Variants in PGAP6 observed in about 807,000 individuals in gnomAD.
The protein encoded by PGAP6 is post-GPI attachment to proteins factor 6.
In PGAP6, 62 loss-of-function variants were observed where a neutral mutation model predicts 68.4. That is an observed-to-expected ratio of 0.91 (90% CI 0.74 to 1.12). The LOEUF (loss-of-function observed/expected upper bound fraction) is 1.12. PGAP6 is among the 50% of genes most tolerant of loss of function. The pLI, the probability that PGAP6 is intolerant of heterozygous loss-of-function variation, is 0.00. For missense variants in PGAP6, 1,188 were observed against 1,068.5 expected, an observed-to-expected ratio of 1.11 and a Z score of -1.56; for synonymous variants, 575 against 474.0, an observed-to-expected ratio of 1.21 and a Z score of -2.77.
chr16:377,426 C>T lies in PGAP6; in HGVS notation c.459G>A (p.Trp153Ter), dbSNP rs1007464523. Residue 153 changes from tryptophan to a stop codon, truncating the protein, a stop_gained, in exon 3 of 13, where the codon TGG becomes TGA. Coordinates refer to ENST00000431232, the MANE Select transcript of PGAP6 (RefSeq NM_021259.3). LOFTEE classifies it high-confidence loss of function. Reference protein sequence around the residue: ...VNVSHPAPGDWFVAAHLPPSS... With the variant: ...VNVSHPAPGD ...AGGGGGGCAGGTGGGCGGCCACGAA[C>T]CAGTCCCCGGGGGCCGGGTGGGAAA... 16 of 1,609,822 alleles carry T rather than the reference C, an allele frequency of 9.9e-6. No individual in the cohort carries two copies. The highest frequency in any genetic ancestry group is 1.4e-5 in the Non-Finnish European group (16 of 1,178,412).
intron 1 of PGAP6, among the ~76,000 whole-genome samples, chr16:381,110 G>T (rs1163367000): frequency 6.6e-6 from 1 of 152,242 alleles, no homozygotes; most frequent in Non-Finnish European, 1.5e-5. Context: ...GGAGCCCGGC[G>T]AGTTTCCCAA....
In PGAP6 at chr16:375,455, C is replaced by G; in HGVS notation, c.1225-20G>C. ...CTCTGTCTGGAAAGGGAGGCGGTGC[C>G]GGCTCAGCTCCAGCAGCCCCTGGCC... is the stretch of plus-strand genomic sequence containing the variant. On this transcript the variant is annotated intron_variant, in intron 6 of 12. Transcript: ENST00000431232. 3 of 1,608,662 alleles carry G rather than the reference C, an allele frequency of 1.9e-6. No homozygotes were observed. Among genetic ancestry groups the G allele is most frequent in the South Asian group, 2.2e-5 (2 of 90,974 alleles).
Position 381,972 on chromosome 16 carries a change from G to T in PGAP6, c.-151C>A. On this transcript the variant is annotated 5_prime_UTR_variant, in exon 1 of 13. Coordinates refer to ENST00000431232, the MANE Select transcript of PGAP6 (RefSeq NM_021259.3). ...GGCCGGTCCCCGCCGCCGTCGCCCC[G>T]GGCACTTCCGCCCGCAGGCCCCGCC... is the stretch of plus-strand genomic sequence containing the variant. 1.0e-6 allele frequency: 1 copy of T among 966,218 alleles called. No homozygotes were observed. The highest frequency in any genetic ancestry group is 1.2e-6 in the Non-Finnish European group (1 of 813,264). The allele number at this position is 966,218 out of a possible 1,614,324, so 59.9% of individuals were successfully genotyped here.
intron 1 of PGAP6, 24 bp from the exon 2 acceptor site, chr16:377,872 C>T (rs1218235840): frequency 6.5e-7 from 1 of 1,537,072 alleles, no homozygotes. Context: ...GAGGTGTCAG[C>T]CAGGCCGGGA....
intron 1 of PGAP6, among the ~76,000 whole-genome samples, chr16:380,708 C>T (rs745851956): frequency 2.0e-5 from 3 of 150,720 alleles, no homozygotes; most frequent in East Asian, 2.0e-4. Flanking sequence ...GGAAAACTGC[C>T]TTTCATCTCT....
chr16:373,775 T>C (rs67985185), intron 11 of PGAP6, among the ~76,000 whole-genome samples: 11,311 of 152,220 alleles, frequency 0.074, 453 homozygotes, highest in Non-Finnish European at 0.1. Flanking sequence ...CCTGCAAGTG[T>C]TGGGATTACA....
At chr16:375,022 A>C in intron 8 of PGAP6, 111 bp downstream of exon 8, 1 of 1,573,628 alleles carries the variant, frequency 6.4e-7, no homozygotes, top group Non-Finnish European at 8.6e-7. Context: ...CCCTGGAGGA[A>C]GCACCCCTCT....
upstream of PGAP6, chr16:382,031 C>G: frequency 2.8e-6 from 2 of 716,456 alleles, no homozygotes; most frequent in Non-Finnish European, 3.5e-6. Flanking sequence ...AGGGCGGGGT[C>G]GGGGGGCGGG....
rs756339692 is a variant in PGAP6, at chr16:376,241, C to A, written c.1119G>T (p.Arg373Ser). The A allele has an allele frequency of 1.2e-6, 2 of 1,612,762 alleles. No homozygotes were observed. The highest frequency in any genetic ancestry group is 1.7e-6 in the Non-Finnish European group (2 of 1,180,020). Residue 373 changes from arginine (R) to serine (S), a missense_variant, in exon 6 of 13, where the codon AGG (arginine) becomes AGT (serine). Transcript: ENST00000431232. The stretch of plus-strand genomic sequence containing the variant: ...TGTCCGAACACACCCTCACCGAGAC[C>A]CTGTCCAGGGGCTGGAAGTGCACCG... The part of the protein sequence containing the change: ...VVSVHFQPLD[R>S]VSVRVCSDTP...
intron 8 of PGAP6, 33 bp from the exon 9 acceptor site, chr16:374,925 A>G (rs188786021): frequency 6.2e-7 from 1 of 1,611,790 alleles, no homozygotes; most frequent in East Asian, 2.2e-5. Flanking sequence ...AAGCTGGTGC[A>G]GTGATCTGAC....
chr16:382,095 G>GGC (rs2054448173), upstream of PGAP6: 3 of 365,264 alleles, frequency 8.2e-6, no homozygotes, highest in African/African-American at 4.3e-5. Context: ...GCCGGTAGGG[G>GGC]GGAGGGGTCA....
upstream of PGAP6, among the ~76,000 whole-genome samples, chr16:385,512 C>T (rs548702258): frequency 2.3e-4 from 35 of 150,546 alleles, no homozygotes; most frequent in South Asian, 6.3e-4. Flanking sequence ...GGGATTTCAC[C>T]CTGTTAGCCA....
rs757502092 is a variant in PGAP6 at position 377,740 on chromosome 16, AC to A, written c.229del (p.Val77CysfsTer57). 8.8e-5 allele frequency: 140 copies of A among 1,597,482 alleles called. No individual in the cohort carries two copies. The highest frequency in any genetic ancestry group is 1.0e-4 in the Non-Finnish European group (123 of 1,172,732). On this transcript the variant is annotated frameshift_variant, in exon 2 of 13. Transcript: ENST00000431232. LOFTEE classifies it high-confidence loss of function. The part of the protein sequence containing the change: ...LFRFRVPPDA[V>X]LLRWLLQVSR... ...GACCTGCAGGAGCCAGCGTAGAAGC[AC>A]AGCATCTGGGGGCACGCGGAAGCGG...
At chr16:381,328 G>A (rs1429980756) in intron 1 of PGAP6, among the ~76,000 whole-genome samples, 1 of 152,184 alleles carries the variant, frequency 6.6e-6, no homozygotes, top group Non-Finnish European at 1.5e-5. Flanking sequence ...GGACCCGGCC[G>A]GTGAGCTCAC....
intron 11 of PGAP6, among the ~76,000 whole-genome samples, chr16:373,017 C>T (rs1032802865): frequency 6.6e-6 from 1 of 152,194 alleles, no homozygotes; most frequent in African/African-American, 2.4e-5. Flanking sequence ...TGCACCCACA[C>T]ACTCACTAGC....
chr16:381,652 C>G, intron 1 of PGAP6, 49 bp downstream of exon 1: 1 of 1,172,598 alleles, frequency 8.5e-7, no homozygotes, highest in Non-Finnish European at 1.1e-6. Flanking sequence ...CCCGCCCCGC[C>G]CGCAGCCCCG....
chr16:385,036 T>C (rs1408665271), upstream of PGAP6, among the ~76,000 whole-genome samples: 2 of 146,844 alleles, frequency 1.4e-5, no homozygotes, highest in Admixed American at 6.9e-5. Context: ...CATGGTGACA[T>C]GAGCCTGTAA....
rs1343311335 is a variant in PGAP6, at chr16:372,227, G to A, written c.2076C>T (p.Ala692=). ...TAGAGACGCCGGGCAGGAGGTAGAA[G>A]GCCCAGCGCTGCCACGAGGTGGGGT... ...QCYPTSWQRW[A]FYLLPGVSMA... The change falls in exon 13 of 13, where the codon GCC becomes GCT. Residue 692 remains alanine (A), a synonymous_variant. Coordinates refer to ENST00000431232, the MANE Select transcript of PGAP6 (RefSeq NM_021259.3). 2 of 1,612,308 alleles carry A rather than the reference G, an allele frequency of 1.2e-6. No individual in the cohort carries two copies. Among genetic ancestry groups the A allele is most frequent in the East Asian group, 2.2e-5 (1 of 44,892 alleles).
Position 377,749 on chromosome 16 carries a change from G to A in PGAP6, c.221C>T (p.Pro74Leu). The A allele has an allele frequency of 6.3e-7, 1 of 1,594,948 alleles. No homozygotes were observed. The highest frequency in any genetic ancestry group is 8.5e-7 in the Non-Finnish European group (1 of 1,171,406). The stretch of plus-strand genomic sequence containing the variant: ...GAGCCAGCGTAGAAGCACAGCATCT[G>A]GGGGCACGCGGAAGCGGAAGAGCCT... ...SARLFRFRVP[P>L]DAVLLRWLLQ... Residue 74 changes from proline to leucine, a missense_variant, in exon 2 of 13, where the codon CCA becomes CTA. Pro to Leu is a moderately conservative substitution (Grantham distance 98, BLOSUM62 -3). Coordinates refer to ENST00000431232, the MANE Select transcript of PGAP6 (RefSeq NM_021259.3).
Sources: allele counts gnomAD v4.1 joint callset (sites outside exome capture counted in the v4.1 genomes callset), GRCh38; gene constraint gnomAD v4.1.1; transcripts MANE v1.5; gene names NCBI Gene and HGNC (gene_info 2026-07-23, HGNC 2026-07-21).